CLIC4: variants seen among roughly 807,000 people sequenced by gnomAD.
CLIC4 encodes chloride intracellular channel protein 4.
A neutral mutation model predicts 24.6 loss-of-function variants in CLIC4; 13 were observed. The observed-to-expected ratio is 0.53, with a 90% CI of 0.34 to 0.84. CLIC4 has a LOEUF of 0.84. Among genes scored for constraint, CLIC4 ranks in the 40% least tolerant of loss-of-function variants. The probability of loss-of-function intolerance (pLI) is 0.01; values close to 1 mark genes in which losing one functional copy is unlikely to be tolerated. For synonymous variants in CLIC4, 104 were observed against 111.3 expected, an observed-to-expected ratio of 0.93 and a Z score of 0.41; for missense variants, 227 against 301.7, an observed-to-expected ratio of 0.75 and a Z score of 1.83.
intron 3 of CLIC4, among the ~76,000 whole-genome samples, chr1:24,824,016 T>G (rs765405538): frequency 1.3e-5 from 2 of 152,184 alleles, no homozygotes; most frequent in African/African-American, 4.8e-5. Flanking sequence ...TTTTATTATT[T>G]GCCTCCCTTT....
chr1:24,745,706 C>T lies in CLIC4; in HGVS notation c.72+81C>T, dbSNP rs1025673190. 8.6e-6 allele frequency: 10 copies of T among 1,168,938 alleles called. No homozygotes were observed. The Admixed American group carries it at 1.3e-4, about 15-fold the overall frequency. 72.4% of individuals were successfully genotyped at this position (1,168,938 alleles called of 1,614,324 possible). A position where few individuals can be genotyped will look rare whatever the true frequency, so the allele number is the denominator to read the frequency against. On this transcript the variant is annotated intron_variant, in intron 1 of 5. Transcript: ENST00000374379. ...CGGGGAGCGGCGTCCCGGGGCTCTC[C>T]TGAGGCGCCCCCGCTCGGCGCCAGC...
intron 1 of CLIC4, among the ~76,000 whole-genome samples, chr1:24,784,839 A>G (rs1639246210): frequency 6.6e-6 from 1 of 152,172 alleles, no homozygotes; most frequent in African/African-American, 2.4e-5. Flanking sequence ...CCCCATCTCT[A>G]TTAAAAATAC....
chr1:24,779,228 G>A (rs1465258439), intron 1 of CLIC4, among the ~76,000 whole-genome samples: 1 of 152,186 alleles, frequency 6.6e-6, no homozygotes, highest in African/African-American at 2.4e-5. Flanking sequence ...CCAGCACGTT[G>A]GGAGGCCAAA....
chr1:24,781,620 G>C (rs1173543784), intron 1 of CLIC4, among the ~76,000 whole-genome samples: 1 of 151,900 alleles, frequency 6.6e-6, no homozygotes, highest in Non-Finnish European at 1.5e-5. Flanking sequence ...AAGGACATCA[G>C]TGGGGAAGTC....
intron 1 of CLIC4, among the ~76,000 whole-genome samples, chr1:24,752,143 T>C (rs1557793062): frequency 6.6e-6 from 1 of 152,196 alleles, no homozygotes; most frequent in Non-Finnish European, 1.5e-5. Flanking sequence ...GCTTCTAGTA[T>C]GTCAGGCAAG....
intron 1 of CLIC4, among the ~76,000 whole-genome samples, chr1:24,790,253 G>A (rs1005527608): frequency 1.3e-5 from 2 of 152,144 alleles, no homozygotes; most frequent in East Asian, 3.9e-4. Flanking sequence ...TGTATTTTTG[G>A]TAGAGACGGG....
chr1:24,820,792 T>C (rs993019457), intron 3 of CLIC4, among the ~76,000 whole-genome samples: 1 of 152,238 alleles, frequency 6.6e-6, no homozygotes, highest in African/African-American at 2.4e-5. Context: ...TCCAAGTATA[T>C]ATAAGTTTTT....
At chr1:24,779,490 TCTC>T (rs1639178946) in intron 1 of CLIC4, among the ~76,000 whole-genome samples, 1 of 151,876 alleles carries the variant, frequency 6.6e-6, no homozygotes, top group Admixed American at 6.6e-5. Flanking sequence ...ATAAAAATAA[TCTC>T]CTGTCCCTAC....
intron 2 of CLIC4, among the ~76,000 whole-genome samples, chr1:24,804,382 G>A (rs1639523528): frequency 7.2e-6 from 1 of 139,402 alleles, no homozygotes; most frequent in South Asian, 2.4e-4. Context: ...GTGTGTGCAT[G>A]TGTGTGGGTG....
chr1:24,770,431 C>T (rs1639057023), intron 1 of CLIC4, among the ~76,000 whole-genome samples: 1 of 152,006 alleles, frequency 6.6e-6, no homozygotes, highest in Non-Finnish European at 1.5e-5. Context: ...GAAGTCACAT[C>T]TATAAAGTTT....
At chr1:24,817,536 G>A (rs997760077) in intron 3 of CLIC4, among the ~76,000 whole-genome samples, 1 of 152,180 alleles carries the variant, frequency 6.6e-6, no homozygotes, top group East Asian at 1.9e-4. Flanking sequence ...GGAATGCTGT[G>A]GCTGGTTTGA....
intron 2 of CLIC4, among the ~76,000 whole-genome samples, chr1:24,811,231 C>T (rs911528799): frequency 6.6e-6 from 1 of 152,148 alleles, no homozygotes; most frequent in African/African-American, 2.4e-5. Context: ...CATTTTTGCA[C>T]ATCTTAGAAG....
rs544766114 is a variant in CLIC4, at chr1:24,813,135, C to T, written c.183-959C>T. Among the ~76,000 whole-genome samples, 9 of 151,176 alleles carry T rather than the reference C, an allele frequency of 6.0e-5. No individual in the cohort carries two copies. In the South Asian group the frequency reaches 1.0e-3, roughly 18 times the overall value. On this transcript the variant is annotated intron_variant, in intron 2 of 5. Transcript: ENST00000374379. ...CTCTGCTGACTGCAGCCTCTGCTTC[C>T]GGGATTCAAGCGATTCTCCTGCCTC...
chr1:24,840,569 G>A (rs1557817548), intron 5 of CLIC4, among the ~76,000 whole-genome samples: 1 of 152,212 alleles, frequency 6.6e-6, no homozygotes, highest in East Asian at 1.9e-4. Flanking sequence ...TGCAGTCACT[G>A]TCACACTTCT....
chr1:24,748,499 G>GTTTTTTTTTTTTTTTTT (rs869153638), intron 1 of CLIC4, among the ~76,000 whole-genome samples: 1 of 80,606 alleles, frequency 1.2e-5, no homozygotes, highest in Non-Finnish European at 2.2e-5. Flanking sequence ...CAGGTTTTTT[G>GTTTTTTTTTTTTTTTTT]TTTTTTTTTT....
rs1639951079 is a variant in CLIC4 at position 24,842,263 on chromosome 1, T to C, written c.*1326T>C. ...AGCCCTAAACCAGGAATTATTTGTG[T>C]TCTAACAGGAGGATGAACTTGCTGA... is the stretch of plus-strand genomic sequence containing the variant. On this transcript the variant is annotated 3_prime_UTR_variant, in exon 6 of 6. Transcript: ENST00000374379. 1 of 152,214 alleles carries C rather than the reference T, an allele frequency of 6.6e-6. No homozygotes were observed. Among genetic ancestry groups the C allele is most frequent in the South Asian group, 2.1e-4 (1 of 4,834 alleles). The allele number at this position is 152,214 out of a possible 1,614,324, so 9.4% of individuals were successfully genotyped here.
chr1:24,767,004 A>G (rs1045636956), intron 1 of CLIC4, among the ~76,000 whole-genome samples: 5 of 147,430 alleles, frequency 3.4e-5, no homozygotes, highest in African/African-American at 1.0e-4. Context: ...CAAAAAATAC[A>G]CTAACAATAG....
At chr1:24,761,031 A>G (rs1336312302) in intron 1 of CLIC4, among the ~76,000 whole-genome samples, 4 of 152,064 alleles carry the variant, frequency 2.6e-5, no homozygotes, top group Non-Finnish European at 5.9e-5. Context: ...TTCTGGATAT[A>G]TTCTAAGATG....
At chr1:24,774,977 G>A (rs1369087087) in intron 1 of CLIC4, among the ~76,000 whole-genome samples, 1 of 151,830 alleles carries the variant, frequency 6.6e-6, no homozygotes, top group African/African-American at 2.4e-5. Context: ...CAGCTGAGGC[G>A]GGAGAATCGC....
Sources: allele counts gnomAD v4.1 joint callset (sites outside exome capture counted in the v4.1 genomes callset), GRCh38; gene constraint gnomAD v4.1.1; transcripts MANE v1.5; gene names NCBI Gene and HGNC (gene_info 2026-07-23, HGNC 2026-07-21).